Variants in STRA6 observed in about 807,000 individuals in gnomAD.
The protein encoded by STRA6 is signaling receptor and transporter of retinol STRA6, also known as receptor for retinol uptake STRA6.
STRA6 carries 48 observed loss-of-function variants against 83.6 expected under a neutral mutation model. The ratio of observed to expected loss-of-function variants is 0.57; its 90% CI spans 0.46 to 0.73. The LOEUF is 0.73. Among genes scored for constraint, STRA6 ranks in the 30% least tolerant of loss-of-function variants. The probability of loss-of-function intolerance (pLI) is 0.00; values close to 1 mark genes in which losing one functional copy is unlikely to be tolerated. For synonymous variants in STRA6, 353 were observed against 362.3 expected (o/e 0.97, Z 0.29); for missense variants, 760 against 838.8 (o/e 0.91, Z 1.16).
In STRA6 at chr15:74,179,975, C is replaced by T. The variant is rs567317604; in HGVS notation, c.*105G>A. 154 of 1,474,564 alleles carry T rather than the reference C, an allele frequency of 1.0e-4. No homozygotes were observed. Among genetic ancestry groups the T allele is most frequent in the Non-Finnish European group, 2.9e-5 (31 of 1,074,798 alleles). The allele number at this position is 1,474,564 out of a possible 1,614,324, so 91.3% of individuals were successfully genotyped here. ...CACAGTGATCCGGAGGACCTGCTGGCTGCATGGCTGGTGTGATGCTGGGAG... is the reference window on the plus strand; with the variant it reads ...CACAGTGATCCGGAGGACCTGCTGGTTGCATGGCTGGTGTGATGCTGGGAG... On this transcript the variant is annotated 3_prime_UTR_variant, in exon 19 of 19. Transcript: ENST00000395105.
chr15:74,192,930 A>G (rs1359382748), intron 8 of STRA6, among the ~76,000 whole-genome samples: 1 of 152,078 alleles, frequency 6.6e-6, no homozygotes, highest in Non-Finnish European at 1.5e-5. Context: ...CTCCCCCACC[A>G]CACTGGGAGC....
chr15:74,204,615 G>T (rs538162487), upstream of STRA6, among the ~76,000 whole-genome samples: 12 of 152,322 alleles, frequency 7.9e-5, no homozygotes, highest in South Asian at 1.7e-3. Flanking sequence ...AGTGTCAGGG[G>T]TTAGACATCC....
At chr15:74,183,775 A>T (rs1360744860) in intron 14 of STRA6, 81 bp downstream of exon 14, 2 of 1,609,494 alleles carry the variant, frequency 1.2e-6, no homozygotes, top group African/African-American at 1.3e-5. Context: ...GTACTTGCTG[A>T]GCACTCTTCT....
intron 10 of STRA6, 62 bp from the exon 11 acceptor site, chr15:74,190,963 C>A: frequency 6.2e-7 from 1 of 1,609,678 alleles, no homozygotes. Context: ...AGCCCTCCTC[C>A]CTCCCAAGGG....
chr15:74,202,672 T>C, intron 1 of STRA6, 41 bp downstream of exon 1: 1 of 1,382,054 alleles, frequency 7.2e-7, no homozygotes, highest in South Asian at 1.9e-5. Flanking sequence ...GCCCCTTCCT[T>C]CCCCTTTCCC....
At chr15:74,180,444 T>C (rs2072919383) in intron 18 of STRA6, among the ~76,000 whole-genome samples, 2 of 152,082 alleles carry the variant, frequency 1.3e-5, no homozygotes, top group Non-Finnish European at 2.9e-5. Context: ...GGTCTGGAGC[T>C]GGCTTAGTGT....
chr15:74,197,022 G>A (rs1026154705), intron 4 of STRA6, among the ~76,000 whole-genome samples: 1 of 152,220 alleles, frequency 6.6e-6, no homozygotes, highest in South Asian at 2.1e-4. Flanking sequence ...CATTGGGATG[G>A]TCACGTCAAT....
rs149136850 is a variant in STRA6, at chr15:74,192,289, G to A, written c.721-798C>T. Among the ~76,000 whole-genome samples, 7 of 152,270 alleles carry A rather than the reference G, an allele frequency of 4.6e-5. No homozygotes were observed. The East Asian group carries it at 5.8e-4, about 13-fold the overall frequency. ...AGGGGCATGCCTCAGGCACTGTGTC[G>A]TCCCGGGGGGCCGCTCCCTTTTCAG... On this transcript the variant is annotated intron_variant, in intron 8 of 18. Transcript: ENST00000395105.
chr15:74,182,757 C>T (rs147485043), intron 14 of STRA6: 4 of 391,942 alleles, frequency 1.0e-5, no homozygotes, highest in African/African-American at 8.2e-5. Flanking sequence ...TTATTTCCCT[C>T]CAGTTTCTCC....
intron 3 of STRA6, 125 bp from the exon 4 acceptor site, chr15:74,197,548 TG>T (rs2073875813): frequency 9.2e-7 from 1 of 1,081,574 alleles, no homozygotes; most frequent in Non-Finnish European, 1.4e-6. Context: ...TGTGACATCT[TG>T]GGGACTGGTC....
At chr15:74,203,180 A>G (rs2074163589), upstream of STRA6, 24 of 985,054 alleles carry the variant, frequency 2.4e-5, no homozygotes, top group Non-Finnish European at 2.8e-5. Context: ...GTTTCCATGA[A>G]GGAGGCAACA....
intron 11 of STRA6, among the ~76,000 whole-genome samples, chr15:74,189,515 A>G (rs961300459): frequency 2.2e-4 from 33 of 152,226 alleles, no homozygotes; most frequent in African/African-American, 6.8e-4. Flanking sequence ...AACTTCATAT[A>G]GTCAGCCCTG....
chr15:74,194,646 G>T, intron 7 of STRA6: 1 of 738,020 alleles, frequency 1.4e-6, no homozygotes, highest in Non-Finnish European at 1.9e-6. Context: ...GCTCTTGGGA[G>T]GCTAGGGACT....
chr15:74,191,144 G>A (rs762296296), intron 10 of STRA6, 23 bp downstream of exon 10: 16 of 1,613,176 alleles, frequency 9.9e-6, no homozygotes, highest in Admixed American at 3.3e-5. Context: ...TGTCACGCTC[G>A]GCCTCAGCTC....
rs768601380 is a variant in STRA6 at position 74,195,402 on chromosome 15, G to A, written c.497C>T (p.Thr166Met). 100 of 1,613,694 alleles carry A rather than the reference G, an allele frequency of 6.2e-5. No homozygotes were observed. The highest frequency in any genetic ancestry group is 7.4e-5 in the Non-Finnish European group (87 of 1,180,014). ...ALYYPLAACA[T>M]AGHTAAHLLG... ...CAGGTGTGCAGCTGTGTGGCCAGCCGTGGCACAGGCAGCCAGAGGGTAGTA... is the reference window on the plus strand; with the variant it reads ...CAGGTGTGCAGCTGTGTGGCCAGCCATGGCACAGGCAGCCAGAGGGTAGTA... The change falls in exon 7 of 19, where the codon ACG becomes ATG. Residue 166 changes from threonine (T) to methionine (M), a missense_variant. Transcript: ENST00000395105.
chr15:74,207,607 A>G, upstream of STRA6: 1 of 1,262,174 alleles, frequency 7.9e-7, no homozygotes, highest in South Asian at 1.3e-5. Flanking sequence ...TACAATACTC[A>G]AACCTCAGGT....
At chr15:74,205,557 C>CCA (rs1223435622), upstream of STRA6, among the ~76,000 whole-genome samples, 1 of 152,202 alleles carries the variant, frequency 6.6e-6, no homozygotes, top group Non-Finnish European at 1.5e-5. Flanking sequence ...GACCCAAACA[C>CCA]CACACACCAG....
intron 12 of STRA6, among the ~76,000 whole-genome samples, chr15:74,186,009 C>A (rs1480743821): frequency 6.6e-6 from 1 of 152,220 alleles, no homozygotes. Context: ...AAGGTGAGTG[C>A]TAGTTCCACA....
upstream of STRA6, among the ~76,000 whole-genome samples, chr15:74,206,715 A>G (rs1355155592): frequency 6.6e-6 from 1 of 152,228 alleles, no homozygotes; most frequent in East Asian, 1.9e-4. Context: ...AGGGCCCTGA[A>G]GCCATGGAAG....
Sources: allele counts gnomAD v4.1 joint callset (sites outside exome capture counted in the v4.1 genomes callset), GRCh38; gene constraint gnomAD v4.1.1; transcripts MANE v1.5; gene names NCBI Gene and HGNC (gene_info 2026-07-23, HGNC 2026-07-21).